Variants in FRYL observed in about 807,000 individuals in gnomAD.
FRYL encodes protein furry homolog-like.
A neutral mutation model predicts 351.2 loss-of-function variants in FRYL; 150 were observed. That is an observed-to-expected ratio of 0.43 (90% confidence interval 0.37 to 0.49). The LOEUF (loss-of-function observed/expected upper bound fraction) is 0.49, where lower values mean the gene tolerates loss of function less well. FRYL is among the 20% of genes least tolerant of loss of function. The probability of loss-of-function intolerance (pLI) is 0.00; values close to 1 mark genes in which losing one functional copy is unlikely to be tolerated. For synonymous variants in FRYL, 1,153 were observed against 1,257.1 expected (o/e 0.92, Z 1.75); for missense variants, 3,036 against 3,619.3 (o/e 0.84, Z 4.13).
In FRYL at chr4:48,499,504, C is replaced by G; in HGVS notation, c.8960G>C (p.Arg2987Thr). The G allele has an allele frequency of 6.2e-7, 1 of 1,614,072 alleles. No individual in the cohort carries two copies. Among genetic ancestry groups the G allele is most frequent in the South Asian group, 1.1e-5 (1 of 91,082 alleles). The change falls in exon 64 of 64, where the codon AGA becomes ACA. Residue 2987 changes from arginine (R) to threonine (T), a missense_variant. By Grantham distance (71) the Arg-to-Thr change is moderately conservative. This residue lies in a region of FRYL where 1,987 missense variants were observed against 2,311.7 expected (regional missense o/e 0.86). Coordinates refer to ENST00000358350, the MANE Select transcript of FRYL (RefSeq NM_015030.2). ...YKLMELNLEI[R>T]ESLRMVQSYQ... Reference sequence around the variant, plus strand: ...TGATTGCACCATGCGTAGAGACTCTCTTATTTCCAGATTAAGTTCCATCAG... The same window carrying G: ...TGATTGCACCATGCGTAGAGACTCTGTTATTTCCAGATTAAGTTCCATCAG...
intron 35 of FRYL, among the ~76,000 whole-genome samples, chr4:48,556,653 T>A (rs1734186153): frequency 6.6e-6 from 1 of 152,238 alleles, no homozygotes. Context: ...CTCAGAACTC[T>A]GCAATTTTTT....
chr4:48,527,682 G>A, intron 52 of FRYL, 29 bp from the exon 53 acceptor site: 1 of 1,560,826 alleles, frequency 6.4e-7, no homozygotes, highest in Non-Finnish European at 8.6e-7. Context: ...AAAAAAAAAA[G>A]TCCATCCATC....
Position 48,510,918 on chromosome 4 carries a change from G to C in FRYL, c.8212C>G (p.Arg2738Gly). The C allele has an allele frequency of 6.2e-7, 1 of 1,611,776 alleles. No individual in the cohort carries two copies. Among genetic ancestry groups the C allele is most frequent in the South Asian group, 1.1e-5 (1 of 90,994 alleles). Residue 2738 changes from arginine to glycine, a missense_variant, in exon 58 of 64, where the codon CGC becomes GGC. Around this residue, in one of 7 missense-constraint regions of FRYL, gnomAD observed 1,987 missense variants for 2,311.7 expected, o/e 0.86. Coordinates refer to ENST00000358350, the MANE Select transcript of FRYL (RefSeq NM_015030.2). ...GAACTTTTAAATTTGGTACCAATGC[G>C]TTGCAGACTATCACCAAGAAAGCTG... ...AVSFLGDSLQ[R>G]IGTKFKSSLE...
intron 25 of FRYL, among the ~76,000 whole-genome samples, chr4:48,573,619 G>A (rs1178603203): frequency 2.0e-5 from 3 of 152,054 alleles, no homozygotes; most frequent in Admixed American, 1.3e-4. Flanking sequence ...GCGTGATCTC[G>A]GCTCACTGCA....
rs1028322204 is a variant in FRYL, at chr4:48,757,327, A to G, written c.-384+22751T>C. On this transcript the variant is annotated intron_variant, in intron 1 of 63. Transcript: ENST00000358350. ...CCCTGTTTGCAGATGACATGACTGT[A>G]TATTTAGAAAACCCCATTGTCTCAG... Among the ~76,000 whole-genome samples the G allele has an allele frequency of 6.6e-5, 10 of 152,320 alleles. No homozygotes were observed. The East Asian group carries it at 7.7e-4, about 12-fold the overall frequency.
intron 23 of FRYL, 84 bp from the exon 24 acceptor site, chr4:48,576,306 T>TC: frequency 6.2e-6 from 4 of 642,626 alleles, no homozygotes; most frequent in Non-Finnish European, 8.6e-6. Context: ...CTAAATTTCT[T>TC]TTTTTTTTTT....
At chr4:48,625,990 T>C (rs751686722) in intron 4 of FRYL, among the ~76,000 whole-genome samples, 4 of 152,130 alleles carry the variant, frequency 2.6e-5, no homozygotes, top group Admixed American at 1.3e-4. Flanking sequence ...TTTTCTGAGT[T>C]TTCTACAAAG....
At chr4:48,633,167 A>T (rs1440414682) in intron 4 of FRYL, among the ~76,000 whole-genome samples, 2 of 152,134 alleles carry the variant, frequency 1.3e-5, no homozygotes, top group Admixed American at 1.3e-4. Flanking sequence ...CAGCCCAAAG[A>T]GTAACCTAAA....
chr4:48,739,819 C>T (rs1771849764), intron 1 of FRYL, among the ~76,000 whole-genome samples: 1 of 152,108 alleles, frequency 6.6e-6, no homozygotes, highest in African/African-American at 2.4e-5. Flanking sequence ...CATAAGGGCT[C>T]TCACCAAAAT....
At position 48,503,156 on chromosome 4, in the gene FRYL, G is replaced by GT. The variant is rs200662953; in HGVS notation, c.8464-312dup. Among the ~76,000 whole-genome samples the GT allele has an allele frequency of 3.4e-4, 50 of 148,554 alleles. No homozygotes were observed. In the East Asian group the frequency reaches 3.9e-3, roughly 12 times the overall value. On this transcript the variant is annotated intron_variant, in intron 60 of 63. Transcript: ENST00000358350. ...GATCTTGGTAAATCTGGCTATCCAG[G>GT]TTTAAAAAAAAAAAAACCAAAACCC...
rs760071234 is a variant in FRYL, at chr4:48,595,931, T to C, written c.1105A>G (p.Arg369Gly). 2 of 1,603,818 alleles carry C rather than the reference T, an allele frequency of 1.2e-6. No individual in the cohort carries two copies. The highest frequency in any genetic ancestry group is 4.5e-5 in the East Asian group (2 of 44,642). Residue 369 changes from arginine (R) to glycine (G), a missense_variant, in exon 14 of 64, where the codon AGA becomes GGA. By Grantham distance (125) the Arg-to-Gly change is moderately radical (BLOSUM62 -2). Coordinates refer to ENST00000358350, the MANE Select transcript of FRYL (RefSeq NM_015030.2). ...LYRLLWVYVI[R>G]IKCESNTVTQ... ...ACAGTGTTGCTTTCACATTTTATTC[T>C]AATTACATAAACCCACAATAATCTA...
At chr4:48,545,965 C>G in intron 42 of FRYL, 102 bp downstream of exon 42, 1 of 1,024,680 alleles carries the variant, frequency 9.8e-7, no homozygotes, top group Non-Finnish European at 1.5e-6. Flanking sequence ...TATTTCACAT[C>G]AATGGTATTT....
chr4:48,545,988 A>G (rs1731254280), intron 42 of FRYL, 79 bp downstream of exon 42: 6 of 1,307,752 alleles, frequency 4.6e-6, no homozygotes, highest in Admixed American at 4.1e-5. Context: ...GACAACAAAA[A>G]TATGGCTCAT....
intron 1 of FRYL, among the ~76,000 whole-genome samples, 171 bp downstream of exon 1, chr4:48,779,907 G>A (rs908800752): frequency 5.9e-5 from 9 of 151,912 alleles, no homozygotes; most frequent in Admixed American, 5.9e-4. Flanking sequence ...CGCGCCGCTT[G>A]CCAGCCATCC....
intron 31 of FRYL, 122 bp downstream of exon 31, chr4:48,563,826 C>G (rs1736118189): frequency 9.6e-7 from 1 of 1,036,574 alleles, no homozygotes; most frequent in African/African-American, 1.6e-5. Context: ...GGTCCTGGAA[C>G]CAATCCCCCA....
intron 3 of FRYL, among the ~76,000 whole-genome samples, chr4:48,634,819 G>C (rs1753912585): frequency 6.6e-6 from 1 of 152,118 alleles, no homozygotes. Context: ...CACAGTATTT[G>C]CTGAATGAAT....
chr4:48,559,265 T>C (rs368967657), intron 33 of FRYL, among the ~76,000 whole-genome samples: 2 of 151,740 alleles, frequency 1.3e-5, no homozygotes, highest in African/African-American at 4.8e-5. Flanking sequence ...CAGAAAGTAG[T>C]TGAATGAAGA....
chr4:48,667,480 A>G (rs560418834), intron 3 of FRYL, among the ~76,000 whole-genome samples: 1 of 151,836 alleles, frequency 6.6e-6, no homozygotes, highest in African/African-American at 2.4e-5. Context: ...CATTTATCAT[A>G]ATCTCTTAAA....
intron 57 of FRYL, 125 bp from the exon 58 acceptor site, chr4:48,511,109 C>A: frequency 1.8e-6 from 1 of 550,854 alleles, no homozygotes; most frequent in South Asian, 3.2e-5. Context: ...GAACTTTAAT[C>A]ATTGATCTAT....
Sources: allele counts gnomAD v4.1 joint callset (sites outside exome capture counted in the v4.1 genomes callset), GRCh38; gene constraint gnomAD v4.1.1; regional missense constraint gnomAD v4.1.1; transcripts MANE v1.5; gene names NCBI Gene and HGNC (gene_info 2026-07-23, HGNC 2026-07-21).